Variants in ZNF121 observed in about 807,000 individuals in gnomAD.
ZNF121 encodes zinc finger protein 121.
A neutral mutation model predicts 2.4 loss-of-function variants in ZNF121; 1 was observed. That is an observed-to-expected ratio of 0.41 (90% CI 0.15 to 1.94). ZNF121 has a LOEUF of 1.94. Among genes scored for constraint, ZNF121 ranks in the 30% most tolerant of loss-of-function variants. ZNF121 has a pLI of 0.30. For missense variants in ZNF121, 369 were observed against 466.3 expected (o/e 0.79, Z 1.92); for synonymous variants, 173 against 158.6 (o/e 1.09, Z -0.68).
At chr19:9,568,371 A>ATT (rs34558756) in intron 2 of ZNF121, among the ~76,000 whole-genome samples, 196 bp from the exon 3 acceptor site, 2 of 145,764 alleles carry the variant, frequency 1.4e-5, no homozygotes, top group Admixed American at 6.9e-5. Context: ...AAACTTAGTA[A>ATT]TTTTTTTTTT....
At position 9,566,677 on chromosome 19, in the gene ZNF121, A is replaced by G; in HGVS notation, c.436T>C (p.Cys146Arg). 1 of 1,614,182 alleles carries G rather than the reference A, an allele frequency of 6.2e-7. No individual in the cohort carries two copies. Among genetic ancestry groups the G allele is most frequent in the Non-Finnish European group, 8.5e-7 (1 of 1,180,028 alleles). Residue 146 changes from cysteine (C) to arginine (R), a missense_variant, in exon 4 of 4, where the codon TGT (cysteine) becomes CGT (arginine). Physicochemically the swap from Cys to Arg is radical, Grantham distance 180. This residue lies in a region of ZNF121 where 68 missense variants were observed against 105.5 expected (regional missense o/e 0.64). Transcript: ENST00000320451. ...CTAAAGAATTTTCCACATTCCTTACATTCGTAGGGTTTTTCTACAGTATGC... is the reference window on the plus strand; with the variant it reads ...CTAAAGAATTTTCCACATTCCTTACGTTCGTAGGGTTTTTCTACAGTATGC... ...KMHTVEKPYE[C>R]KECGKFFRYS...
intron 1 of ZNF121, among the ~76,000 whole-genome samples, chr19:9,570,743 AG>A (rs34718575): frequency 0.54 from 78,672 of 145,560 alleles, 21,675 homozygotes; most frequent in African/African-American, 0.71. Flanking sequence ...ATTTTTTGCG[AG>A]GGGGGGGGGT....
intron 1 of ZNF121, among the ~76,000 whole-genome samples, chr19:9,572,808 C>T (rs568764134): frequency 9.9e-5 from 15 of 152,212 alleles, no homozygotes; most frequent in African/African-American, 3.6e-4. Flanking sequence ...ACAGGCAGAT[C>T]GCTTAAGCTC....
intron 1 of ZNF121, among the ~76,000 whole-genome samples, chr19:9,573,725 G>A (rs2074190039): frequency 6.6e-6 from 1 of 152,100 alleles, no homozygotes; most frequent in African/African-American, 2.4e-5. Context: ...AAAGGTCAAG[G>A]ACAAAGACAG....
intron 3 of ZNF121, chr19:9,567,600 CTAT>C (rs1568498277): frequency 3.9e-6 from 1 of 259,180 alleles, no homozygotes; most frequent in Admixed American, 3.5e-5. Flanking sequence ...GACTTTATTT[CTAT>C]TATTATTACA....
chr19:9,567,839 T>C, intron 3 of ZNF121: 2 of 368,174 alleles, frequency 5.4e-6, no homozygotes, highest in East Asian at 8.3e-5. Context: ...GTGGAGTATA[T>C]GACAGGCAGT....
At chr19:9,577,682 GA>G (rs946259506) in intron 1 of ZNF121, among the ~76,000 whole-genome samples, 2 of 151,416 alleles carry the variant, frequency 1.3e-5, no homozygotes, top group Admixed American at 6.6e-5. Flanking sequence ...CACAAAAAGA[GA>G]AAAAAAATCC....
chr19:9,572,163 C>A (rs1353258546), intron 1 of ZNF121, among the ~76,000 whole-genome samples: 1 of 152,140 alleles, frequency 6.6e-6, no homozygotes, highest in East Asian at 1.9e-4. Flanking sequence ...CAGAAAACTA[C>A]AACCAAATGC....
rs148287279 is a variant in ZNF121, at chr19:9,573,637, G to C, written c.-159-4555C>G. On this transcript the variant is annotated intron_variant, in intron 1 of 3. Coordinates refer to ENST00000320451, the MANE Select transcript of ZNF121 (RefSeq NM_001008727.5). ...AAATTGAGAAAAATATAAATATCCA[G>C]GTACAGGAAGGTAAGATGACACCAA... Among the ~76,000 whole-genome samples, 5 of 152,186 alleles carry C rather than the reference G, an allele frequency of 3.3e-5. No homozygotes were observed. The East Asian group carries it at 9.6e-4, about 29-fold the overall frequency.
chr19:9,577,741 C>A (rs2074221021), intron 1 of ZNF121, among the ~76,000 whole-genome samples: 1 of 152,022 alleles, frequency 6.6e-6, no homozygotes, highest in Non-Finnish European at 1.5e-5. Context: ...CAAAGAAATA[C>A]TGACCAAAAA....
intron 1 of ZNF121, among the ~76,000 whole-genome samples, chr19:9,580,802 G>C (rs935563161): frequency 6.6e-6 from 1 of 152,174 alleles, no homozygotes; most frequent in Non-Finnish European, 1.5e-5. Context: ...GTAGAGTAGA[G>C]GCCTCTGGTA....
At chr19:9,568,284 T>C in intron 2 of ZNF121, 109 bp from the exon 3 acceptor site, 1 of 488,922 alleles carries the variant, frequency 2.0e-6, no homozygotes. Flanking sequence ...TTCAGCACAC[T>C]CAAAAAAATT....
At chr19:9,575,606 G>A (rs2074205076) in intron 1 of ZNF121, among the ~76,000 whole-genome samples, 1 of 151,944 alleles carries the variant, frequency 6.6e-6, no homozygotes, top group Admixed American at 6.6e-5. Flanking sequence ...AGCCGGGTGT[G>A]GTGGTGTGTG....
chr19:9,577,433 G>A (rs375796089), intron 1 of ZNF121, among the ~76,000 whole-genome samples: 1 of 150,788 alleles, frequency 6.6e-6, no homozygotes, highest in Non-Finnish European at 1.5e-5. Flanking sequence ...CTGGGCAACA[G>A]AGCAAGACTC....
intron 2 of ZNF121, among the ~76,000 whole-genome samples, chr19:9,568,747 G>A (rs1263571660): frequency 6.6e-6 from 1 of 152,000 alleles, no homozygotes; most frequent in African/African-American, 2.4e-5. Context: ...ATTAGGGAAG[G>A]AAAATAGAAA....
Position 9,566,417 on chromosome 19 carries a change from T to C in ZNF121, c.696A>G (p.Glu232=). The part of the protein sequence containing the change: ...HTGEKPYECN[E]CGKAYNRFYL... The stretch of plus-strand genomic sequence containing the variant: ...AAAACCTATTGTAGGCTTTCCCACA[T>C]TCGTTACATTCATAGGGCTTCTCTC... The change falls in exon 4 of 4, where the codon GAA becomes GAG. Residue 232 remains glutamate, a synonymous_variant. Transcript: ENST00000320451. The C allele has an allele frequency of 6.2e-7, 1 of 1,613,846 alleles. No homozygotes were observed. Among genetic ancestry groups the C allele is most frequent in the Non-Finnish European group, 8.5e-7 (1 of 1,179,938 alleles).
In ZNF121 at chr19:9,560,758, C is replaced by T. The variant is rs2074096914; in HGVS notation, c.*5182G>A. 6.6e-6 allele frequency: 1 copy of T among 152,238 alleles called. No homozygotes were observed. The highest frequency in any genetic ancestry group is 1.5e-5 in the Non-Finnish European group (1 of 68,060). The allele number at this position is 152,238 out of a possible 1,614,324, so 9.4% of individuals were successfully genotyped here. A position where few individuals can be genotyped will look rare whatever the true frequency, so the allele number is the denominator to read the frequency against. On this transcript the variant is annotated 3_prime_UTR_variant, in exon 4 of 4. Transcript: ENST00000320451. The stretch of plus-strand genomic sequence containing the variant: ...ACTTTGCTTCCACCTCTTGGCTCTT[C>T]TGAATAATGCTGCAATGAACACAGG...
At chr19:9,575,355 G>A (rs755206990) in intron 1 of ZNF121, among the ~76,000 whole-genome samples, 6 of 152,134 alleles carry the variant, frequency 3.9e-5, no homozygotes, top group East Asian at 1.9e-4. Flanking sequence ...CCCAGGAAGC[G>A]GAGGTTGCAG....
At chr19:9,568,581 G>C (rs1599735961) in intron 2 of ZNF121, among the ~76,000 whole-genome samples, 1 of 152,020 alleles carries the variant, frequency 6.6e-6, no homozygotes, top group Non-Finnish European at 1.5e-5. Flanking sequence ...CTCCATGTTG[G>C]CCAGGCTGGT....
Sources: gnomAD v4.1 joint callset for allele counts (sites outside exome capture counted in the v4.1 genomes callset) on GRCh38, gnomAD v4.1.1 for gene constraint, gnomAD v4.1.1 regional missense constraint, MANE v1.5 for transcripts, NCBI Gene and HGNC (gene_info 2026-07-23, HGNC 2026-07-21) for gene names.